Variants in NCALD observed in about 807,000 individuals in gnomAD.
NCALD encodes neurocalcin delta.
NCALD carries 10 observed loss-of-function variants against 18.6 expected under a neutral mutation model. That is an observed-to-expected ratio of 0.54 (90% confidence interval 0.33 to 0.91). The LOEUF is 0.91. Among genes scored for constraint, NCALD ranks in the 40% least tolerant of loss-of-function variants. The probability of loss-of-function intolerance (pLI) is 0.03; values close to 1 mark genes in which losing one functional copy is unlikely to be tolerated. For synonymous variants in NCALD, 88 were observed against 87.4 expected, an observed-to-expected ratio of 1.01 and a Z score of -0.04; for missense variants, 184 against 247.6, an observed-to-expected ratio of 0.74 and a Z score of 1.72.
In NCALD at chr8:101,910,498, A is replaced by G. The variant is rs558325087; in HGVS notation, c.-107+5311T>C. 2.6e-5 allele frequency among the ~76,000 whole-genome samples: 4 copies of G among 152,310 alleles called. No homozygotes were observed. The South Asian group carries it at 8.3e-4, about 32-fold the overall frequency. ...AATGTCTGTCTTCCCAGACTGCCAC[A>G]GCCACGTGCTACCTAGGTACTCCCT... is the stretch of plus-strand genomic sequence containing the variant. On this transcript the variant is annotated intron_variant, in intron 3 of 6. Coordinates refer to the NCALD transcript ENST00000311028.
intron 2 of NCALD, among the ~76,000 whole-genome samples, chr8:101,925,337 G>A (rs1044331774): frequency 6.6e-6 from 1 of 152,106 alleles, no homozygotes; most frequent in Non-Finnish European, 1.5e-5. Flanking sequence ...CATCCACCAA[G>A]AGGCAGGGGT....
rs1000852126 is a variant in NCALD, at chr8:101,686,598, T to C, written c.*2711A>G. On this transcript the variant is annotated 3_prime_UTR_variant, in exon 4 of 4. Coordinates refer to ENST00000220931, the MANE Select transcript of NCALD (RefSeq NM_032041.3). ...AGGCAAGAGCTACACAGTCAACTGATTTACGGGCCACTCCATAGGCTATGA... is the reference window on the plus strand; with the variant it reads ...AGGCAAGAGCTACACAGTCAACTGACTTACGGGCCACTCCATAGGCTATGA... The C allele has an allele frequency of 6.6e-6, 1 of 152,566 alleles. No homozygotes were observed. The highest frequency in any genetic ancestry group is 1.5e-5 in the Non-Finnish European group (1 of 68,042). The allele number at this position is 152,566 out of a possible 1,614,324, so 9.5% of individuals were successfully genotyped here. A position where few individuals can be genotyped will look rare whatever the true frequency, so the allele number is the denominator to read the frequency against.
At chr8:101,933,704 T>G (rs370615925) in intron 2 of NCALD, among the ~76,000 whole-genome samples, 10 of 152,238 alleles carry the variant, frequency 6.6e-5, no homozygotes, top group East Asian at 5.8e-4. Context: ...GAGTACCCAG[T>G]CCTCATCGAT....
intron 3 of NCALD, among the ~76,000 whole-genome samples, chr8:101,909,584 C>T (rs954239251): frequency 2.6e-5 from 4 of 152,176 alleles, no homozygotes; most frequent in African/African-American, 7.2e-5. Flanking sequence ...ATAATTATCT[C>T]ATTGAATTTT....
chr8:101,915,732 T>C (rs565078181), intron 3 of NCALD: 27 of 152,292 alleles, frequency 1.8e-4, no homozygotes, highest in African/African-American at 6.3e-4. Flanking sequence ...TGAACAGAAC[T>C]GTCTCTTGTG....
intron 2 of NCALD, among the ~76,000 whole-genome samples, chr8:101,984,486 A>C (rs1820731210): frequency 6.6e-6 from 1 of 152,220 alleles, no homozygotes; most frequent in Non-Finnish European, 1.5e-5. Context: ...CTGAAGCAAA[A>C]AGCATTTGCT....
chr8:101,706,020 G>A (rs1456614401), intron 2 of NCALD, among the ~76,000 whole-genome samples: 2 of 152,186 alleles, frequency 1.3e-5, no homozygotes, highest in Admixed American at 6.5e-5. Context: ...ACAGTAACTC[G>A]AGAATGTCTG....
At chr8:101,981,232 C>T (rs1381202693) in intron 2 of NCALD, among the ~76,000 whole-genome samples, 1 of 152,162 alleles carries the variant, frequency 6.6e-6, no homozygotes, top group Non-Finnish European at 1.5e-5. Flanking sequence ...TTCTGAAAAA[C>T]TACAGGTCTC....
intron 4 of NCALD, among the ~76,000 whole-genome samples, chr8:101,863,622 A>C (rs1285836949): frequency 6.6e-6 from 1 of 152,242 alleles, no homozygotes; most frequent in Non-Finnish European, 1.5e-5. Flanking sequence ...CCATTCCTGC[A>C]CTGAATGAAA....
chr8:101,838,231 C>T (rs1051337122), intron 4 of NCALD, among the ~76,000 whole-genome samples: 3 of 151,276 alleles, frequency 2.0e-5, no homozygotes, highest in African/African-American at 7.3e-5. Context: ...CTTTTATTTT[C>T]TTTTTTTTTG....
chr8:102,046,246 C>T (rs777620300), intron 1 of NCALD, among the ~76,000 whole-genome samples: 4 of 152,180 alleles, frequency 2.6e-5, no homozygotes, highest in Non-Finnish European at 5.9e-5. Flanking sequence ...CAGCCTGTTG[C>T]CAAGATGATG....
At chr8:101,738,628 G>A (rs1196944502) in intron 1 of NCALD, among the ~76,000 whole-genome samples, 3 of 151,432 alleles carry the variant, frequency 2.0e-5, no homozygotes, top group East Asian at 1.9e-4. Context: ...GCCAAAAAAC[G>A]CTATCTGCGG....
chr8:102,070,824 C>CG (rs1369397984), intron 1 of NCALD, among the ~76,000 whole-genome samples: 1 of 152,192 alleles, frequency 6.6e-6, no homozygotes, highest in Non-Finnish European at 1.5e-5. Context: ...AGAATGGCTG[C>CG]TTACCGGGAA....
At chr8:101,716,731 G>A (rs958126858) in intron 2 of NCALD, among the ~76,000 whole-genome samples, 21 of 152,174 alleles carry the variant, frequency 1.4e-4, no homozygotes, top group Admixed American at 7.2e-4. Context: ...TTGCAGACGT[G>A]ATTACATTAA....
At chr8:101,959,830 A>G (rs1251015719) in intron 2 of NCALD, among the ~76,000 whole-genome samples, 1 of 152,158 alleles carries the variant, frequency 6.6e-6, no homozygotes, top group Admixed American at 6.5e-5. Flanking sequence ...GTGTGCTCAT[A>G]GCGATGGCTC....
In NCALD at chr8:101,716,253, G is replaced by T. The variant is rs1034144561; in HGVS notation, c.378+2999C>A. 3.3e-5 allele frequency among the ~76,000 whole-genome samples: 5 copies of T among 152,166 alleles called. No homozygotes were observed. In the South Asian group the frequency reaches 1.0e-3, roughly 32 times the overall value. On this transcript the variant is annotated intron_variant, in intron 2 of 3. Transcript: ENST00000220931. ...CAAACAGCGCATGTTCTCACTCATA[G>T]GTGGGAGTTGAACAATGAGAATATA...
At chr8:102,060,034 G>T (rs935336117) in intron 1 of NCALD, among the ~76,000 whole-genome samples, 1 of 152,222 alleles carries the variant, frequency 6.6e-6, no homozygotes. Flanking sequence ...AGGCTGGAGT[G>T]CAGTGGTGCA....
intron 2 of NCALD, among the ~76,000 whole-genome samples, chr8:101,712,801 G>A (rs7812947): frequency 0.89 from 135,504 of 152,072 alleles, 60,878 homozygotes; most frequent in South Asian, 0.97. Context: ...GACCTACAAA[G>A]AGACTTATAC....
At chr8:101,891,807 G>C (rs982029711) in intron 3 of NCALD, among the ~76,000 whole-genome samples, 1 of 152,154 alleles carries the variant, frequency 6.6e-6, no homozygotes, top group Non-Finnish European at 1.5e-5. Flanking sequence ...TTTCAGACCA[G>C]CTTAAAAAAC....
Sources: gnomAD v4.1 joint callset for allele counts (sites outside exome capture counted in the v4.1 genomes callset) on GRCh38, gnomAD v4.1.1 for gene constraint, MANE v1.5 for transcripts, NCBI Gene and HGNC (gene_info 2026-07-23, HGNC 2026-07-21) for gene names.